SFXN1: variants seen among roughly 807,000 people sequenced by gnomAD.
SFXN1 encodes the protein sideroflexin 1.
SFXN1 carries 32 observed loss-of-function variants against 39.5 expected under a neutral mutation model. The ratio of observed to expected loss-of-function variants is 0.81; its 90% confidence interval spans 0.61 to 1.09. The LOEUF is 1.09. Ranked by LOEUF, SFXN1 falls within the 50% of genes least tolerant of loss-of-function variation. SFXN1 has a pLI of 0.00. For synonymous variants in SFXN1, 136 were observed against 146.5 expected (o/e 0.93, Z 0.52); for missense variants, 402 against 407.1 (o/e 0.99, Z 0.11).
At chr5:175,510,732 T>TA (rs138547965) in intron 4 of SFXN1, among the ~76,000 whole-genome samples, 8 of 149,610 alleles carry the variant, frequency 5.3e-5, no homozygotes, top group African/African-American at 1.2e-4. Flanking sequence ...TGTCACCTGT[T>TA]AAAAAAAAAA....
intron 2 of SFXN1, among the ~76,000 whole-genome samples, chr5:175,506,581 A>G (rs947957791): frequency 2.6e-5 from 4 of 152,244 alleles, no homozygotes; most frequent in Admixed American, 1.3e-4. Flanking sequence ...AGCAATTAAT[A>G]TGCCCAACAC....
intron 10 of SFXN1, among the ~76,000 whole-genome samples, chr5:175,526,183 TTACA>T (rs1182628461): frequency 4.0e-5 from 6 of 151,678 alleles, no homozygotes; most frequent in African/African-American, 7.3e-5. Context: ...TAAGCGTGTA[TTACA>T]TACAGTAAAC....
intron 1 of SFXN1, among the ~76,000 whole-genome samples, chr5:175,487,573 G>A (rs1759497459): frequency 6.6e-6 from 1 of 152,122 alleles, no homozygotes; most frequent in African/African-American, 2.4e-5. Context: ...TGTGCCTTCA[G>A]TCCTTTCTGA....
rs1344668215 is a variant in SFXN1, at chr5:175,519,685, G to C, written c.775-2234G>C. On this transcript the variant is annotated intron_variant, in intron 8 of 10. Coordinates refer to ENST00000321442, the MANE Select transcript of SFXN1 (RefSeq NM_022754.7). The stretch of plus-strand genomic sequence containing the variant: ...GGGAGGAACTGCAAAGTGGTACAAG[G>C]AACAAGAAAAACATTCGGGGTGGTG... 2.0e-5 allele frequency among the ~76,000 whole-genome samples: 3 copies of C among 151,892 alleles called. No homozygotes were observed. The East Asian group carries it at 5.8e-4, about 29-fold the overall frequency.
rs148237820 is a variant in SFXN1, at chr5:175,522,882, G to A, written c.872+460G>A. On this transcript the variant is annotated intron_variant, in intron 10 of 10. Coordinates refer to ENST00000321442, the MANE Select transcript of SFXN1 (RefSeq NM_022754.7). ...AGCTTTCTTGTGCACGCCTCTCATC[G>A]CAAACTGCCCTTGAATCCTGCCTTT... is the stretch of plus-strand genomic sequence containing the variant. 98 of 154,668 alleles carry A rather than the reference G, an allele frequency of 6.3e-4. No homozygotes were observed. In the East Asian group the frequency reaches 0.016, roughly 25 times the overall value. The allele number at this position is 154,668 out of a possible 1,614,324, so 9.6% of individuals were successfully genotyped here.
At chr5:175,486,190 G>A (rs940422082) in intron 1 of SFXN1, among the ~76,000 whole-genome samples, 1 of 151,648 alleles carries the variant, frequency 6.6e-6, no homozygotes, top group Non-Finnish European at 1.5e-5. Context: ...AAAAAAGTGG[G>A]GGGGCCTCCA....
chr5:175,492,970 A>C (rs1244804271), intron 2 of SFXN1, among the ~76,000 whole-genome samples: 1 of 152,070 alleles, frequency 6.6e-6, no homozygotes, highest in African/African-American at 2.4e-5. Context: ...AAATGTAAAA[A>C]CCGCTGGGCA....
intron 8 of SFXN1, among the ~76,000 whole-genome samples, chr5:175,521,110 T>C (rs1760866598): frequency 6.6e-6 from 1 of 152,160 alleles, no homozygotes; most frequent in Non-Finnish European, 1.5e-5. Context: ...ACACCTTGGT[T>C]GCAGTGATTT....
chr5:175,501,127 G>C (rs548938450), intron 2 of SFXN1, among the ~76,000 whole-genome samples: 1 of 144,168 alleles, frequency 6.9e-6, no homozygotes, highest in East Asian at 2.0e-4. Context: ...GGAGTGCAGT[G>C]GCGCGATCTT....
chr5:175,524,566 A>G (rs1198832304), intron 10 of SFXN1, among the ~76,000 whole-genome samples: 2 of 152,032 alleles, frequency 1.3e-5, no homozygotes, highest in Non-Finnish European at 2.9e-5. Context: ...ATAGCTTTAA[A>G]TGTTTATATT....
chr5:175,509,920 G>A (rs565742065), intron 3 of SFXN1, among the ~76,000 whole-genome samples, 189 bp from the exon 4 acceptor site: 60 of 152,140 alleles, frequency 3.9e-4, no homozygotes, highest in Middle Eastern at 6.8e-3. Context: ...CTATATCTAC[G>A]GAATGAGGAA....
intron 9 of SFXN1, among the ~76,000 whole-genome samples, 188 bp downstream of exon 9, chr5:175,522,156 TATTCGTGTG>T (rs1760902404): frequency 6.6e-6 from 1 of 152,200 alleles, no homozygotes; most frequent in Admixed American, 6.5e-5. Context: ...CATGGGGGGC[TATTCGTGTG>T]ATTCTTTTTT....
intron 9 of SFXN1, among the ~76,000 whole-genome samples, 189 bp from the exon 10 acceptor site, chr5:175,522,184 GTC>G (rs1760902843): frequency 6.6e-6 from 1 of 152,056 alleles, no homozygotes; most frequent in East Asian, 1.9e-4. Context: ...TTAAATTGTT[GTC>G]TCTGTGACTT....
At chr5:175,489,806 G>A (rs1043870805) in intron 1 of SFXN1, among the ~76,000 whole-genome samples, 2 of 152,152 alleles carry the variant, frequency 1.3e-5, no homozygotes, top group African/African-American at 4.8e-5. Flanking sequence ...CCTGCACTCT[G>A]GGTGTGGACC....
At chr5:175,498,511 G>A (rs571690029) in intron 2 of SFXN1, among the ~76,000 whole-genome samples, 8 of 152,266 alleles carry the variant, frequency 5.3e-5, no homozygotes, top group Non-Finnish European at 1.0e-4. Context: ...TCAAAACAGA[G>A]AGGAGTTCAT....
chr5:175,485,507 C>G (rs771450676), intron 1 of SFXN1, among the ~76,000 whole-genome samples: 1 of 152,142 alleles, frequency 6.6e-6, no homozygotes, highest in South Asian at 2.1e-4. Flanking sequence ...TTATAGGGAG[C>G]CTTGTGATGA....
intron 8 of SFXN1, 33 bp downstream of exon 8, chr5:175,516,696 C>T: frequency 6.2e-7 from 1 of 1,601,600 alleles, no homozygotes; most frequent in South Asian, 1.1e-5. Flanking sequence ...TTTTCTCAAC[C>T]CTTTTTATTT....
At chr5:175,503,641 C>T (rs1760166103) in intron 2 of SFXN1, among the ~76,000 whole-genome samples, 1 of 152,152 alleles carries the variant, frequency 6.6e-6, no homozygotes, top group Non-Finnish European at 1.5e-5. Context: ...GCATATCCCA[C>T]ATCAGTAGTG....
chr5:175,506,988 A>G (rs554876911), intron 2 of SFXN1, among the ~76,000 whole-genome samples: 1 of 152,260 alleles, frequency 6.6e-6, no homozygotes, highest in South Asian at 2.1e-4. Context: ...GGCTGCCATA[A>G]CAAATTGCCA....
Sources: allele counts gnomAD v4.1 joint callset (sites outside exome capture counted in the v4.1 genomes callset), GRCh38; gene constraint gnomAD v4.1.1; transcripts MANE v1.5; gene names NCBI Gene and HGNC (gene_info 2026-07-23, HGNC 2026-07-21).